Variants in NRG1 observed in about 807,000 individuals in gnomAD.
The protein encoded by NRG1 is pro-neuregulin-1, membrane-bound isoform.
NRG1 carries 18 observed loss-of-function variants against 63.8 expected under a neutral mutation model. The observed-to-expected ratio is 0.28, with a 90% CI of 0.19 to 0.42. The LOEUF is 0.42. Among genes scored for constraint, NRG1 ranks in the 10% least tolerant of loss-of-function variants. The probability of loss-of-function intolerance (pLI) is 1.00; values close to 1 mark genes in which losing one functional copy is unlikely to be tolerated. For synonymous variants in NRG1, 302 were observed against 301.3 expected (o/e 1.00, Z -0.02); for missense variants, 762 against 814.7 (o/e 0.94, Z 0.79).
At chr8:32,012,519 A>C (rs1226568826) in intron 1 of NRG1, among the ~76,000 whole-genome samples, 1 of 152,094 alleles carries the variant, frequency 6.6e-6, no homozygotes, top group East Asian at 1.9e-4. Context: ...TAAGAATTAT[A>C]ATGAGATCAG....
intron 1 of NRG1, among the ~76,000 whole-genome samples, chr8:31,979,780 C>G (rs901304012): frequency 2.6e-5 from 4 of 151,992 alleles, no homozygotes; most frequent in Non-Finnish European, 4.4e-5. Context: ...AACTGTATCC[C>G]AAGATTTTCT....
chr8:32,524,497 T>C (rs995845426), intron 1 of NRG1, among the ~76,000 whole-genome samples: 19 of 30,270 alleles, frequency 6.3e-4, no homozygotes, highest in African/African-American at 2.8e-3. Context: ...TCCTTAAAGA[T>C]TTTTTTTTTC....
At chr8:31,715,404 T>C (rs781565332) in intron 1 of NRG1, among the ~76,000 whole-genome samples, 3 of 152,142 alleles carry the variant, frequency 2.0e-5, no homozygotes, top group Non-Finnish European at 4.4e-5. Context: ...AATTCAGAGT[T>C]CACTTGAATG....
intron 1 of NRG1, among the ~76,000 whole-genome samples, chr8:32,576,771 A>G (rs1160497628): frequency 6.6e-6 from 1 of 151,700 alleles, no homozygotes; most frequent in African/African-American, 2.4e-5. Context: ...TTTTAAAAAA[A>G]TAATTTCGAC....
chr8:32,276,269 T>G (rs1363863673), intron 1 of NRG1, among the ~76,000 whole-genome samples: 1 of 152,252 alleles, frequency 6.6e-6, no homozygotes, highest in East Asian at 1.9e-4. Flanking sequence ...TTATTTTAGC[T>G]TCTACATATG....
At chr8:32,347,752 G>A (rs1208486714) in intron 1 of NRG1, among the ~76,000 whole-genome samples, 1 of 152,180 alleles carries the variant, frequency 6.6e-6, no homozygotes, top group African/African-American at 2.4e-5. Context: ...ATCGAGAAGG[G>A]TTAGACAAAA....
chr8:32,423,195 T>G (rs1306807687), intron 1 of NRG1, among the ~76,000 whole-genome samples: 1 of 152,202 alleles, frequency 6.6e-6, no homozygotes, highest in East Asian at 1.9e-4. Context: ...CAATAATATT[T>G]TCACAGTTTT....
intron 1 of NRG1, among the ~76,000 whole-genome samples, chr8:31,702,005 G>A (rs546053569): frequency 6.6e-6 from 1 of 152,188 alleles, no homozygotes; most frequent in South Asian, 2.1e-4. Flanking sequence ...TATTAGATGG[G>A]CCCAAAAAGT....
chr8:32,595,610 T>C (rs1843215132), intron 1 of NRG1, among the ~76,000 whole-genome samples: 1 of 152,252 alleles, frequency 6.6e-6, no homozygotes, highest in African/African-American at 2.4e-5. Context: ...AATAATTTTC[T>C]AATCTTGGTT....
At chr8:32,419,231 T>TC (rs747023556) in intron 1 of NRG1, among the ~76,000 whole-genome samples, 4 of 152,348 alleles carry the variant, frequency 2.6e-5, no homozygotes, top group Non-Finnish European at 2.9e-5. Context: ...AACTTTCTGT[T>TC]CCAGCTCCAC....
At chr8:32,193,263 A>T (rs1842664029) in intron 1 of NRG1, among the ~76,000 whole-genome samples, 1 of 151,872 alleles carries the variant, frequency 6.6e-6, no homozygotes, top group South Asian at 2.1e-4. Flanking sequence ...GTTGATGATG[A>T]TAATGAATCA....
chr8:31,787,425 T>C (rs1347470268), intron 1 of NRG1, among the ~76,000 whole-genome samples: 1 of 152,168 alleles, frequency 6.6e-6, no homozygotes, highest in Non-Finnish European at 1.5e-5. Context: ...ATAGACATGG[T>C]TGGATTGTAC....
intron 5 of NRG1, among the ~76,000 whole-genome samples, chr8:32,659,211 C>T (rs1802260185): frequency 6.6e-6 from 1 of 150,818 alleles, no homozygotes; most frequent in African/African-American, 2.4e-5. Flanking sequence ...GTGGCGTAGC[C>T]TTGGCTCACC....
At chr8:32,525,385 G>A (rs1830720769) in intron 1 of NRG1, among the ~76,000 whole-genome samples, 1 of 127,644 alleles carries the variant, frequency 7.8e-6, no homozygotes. Flanking sequence ...TTAAGCATGA[G>A]GTAGGGGTGT....
chr8:32,333,304 C>T (rs897701832), intron 1 of NRG1, among the ~76,000 whole-genome samples: 1 of 152,064 alleles, frequency 6.6e-6, no homozygotes, highest in African/African-American at 2.4e-5. Flanking sequence ...CTGGCAAAGC[C>T]CTAATTTATT....
intron 7 of NRG1, among the ~76,000 whole-genome samples, chr8:32,746,988 T>C (rs949561240): frequency 1.3e-5 from 2 of 151,814 alleles, no homozygotes; most frequent in African/African-American, 4.8e-5. Context: ...GCTTGTTTCC[T>C]TGTTAGGGCT....
intron 1 of NRG1, among the ~76,000 whole-genome samples, chr8:31,700,483 C>A (rs925368263): frequency 1.3e-5 from 2 of 152,118 alleles, no homozygotes; most frequent in Admixed American, 1.3e-4. Context: ...CCATTTGCTG[C>A]TGAACAGCTG....
At chr8:32,574,886 A>G (rs529915163) in intron 1 of NRG1, among the ~76,000 whole-genome samples, 5 of 152,304 alleles carry the variant, frequency 3.3e-5, no homozygotes, top group East Asian at 3.9e-4. Flanking sequence ...TAACTCTCCT[A>G]TGTTAGTACA....
intron 5 of NRG1, among the ~76,000 whole-genome samples, chr8:32,640,814 C>T (rs758368334): frequency 1.3e-5 from 2 of 151,912 alleles, no homozygotes; most frequent in African/African-American, 2.4e-5. Context: ...ATATACATAT[C>T]GGCAGGCGTG....
Sources: allele counts gnomAD v4.1 joint callset (sites outside exome capture counted in the v4.1 genomes callset), GRCh38; gene constraint gnomAD v4.1.1; transcripts MANE v1.5; gene names NCBI Gene and HGNC (gene_info 2026-07-23, HGNC 2026-07-21).